Variants in NCBP2L observed in about 807,000 individuals in gnomAD.
NCBP2L encodes nuclear cap-binding protein subunit 2-like.
For missense variants in NCBP2L, 95 were observed against 53.1 expected, an observed-to-expected ratio of 1.79 and a Z score of -2.45; for synonymous variants, 39 against 19.2, an observed-to-expected ratio of 2.04 and a Z score of -2.70.
Position 107,781,692 on chromosome X carries a change from C to CTCTATATATATA in NCBP2L, c.-73+3835_-73+3836insCTATATATATAT, listed in dbSNP as rs1395038482. On this transcript the variant is annotated intron_variant, in intron 1 of 1. Coordinates refer to ENST00000509000, the MANE Select transcript of NCBP2L (RefSeq NM_001348372.2). ...TATCTATCTATCTCTCTCTCTCTCTCTATATATATATATATATAGATCTAT... is the reference window on the plus strand; with the variant it reads ...TATCTATCTATCTCTCTCTCTCTCTCTCTATATATATATATATATATATATATATAGATCTAT... Among the ~76,000 whole-genome samples, 35 of 66,891 alleles carry CTCTATATATATA rather than the reference C, an allele frequency of 5.2e-4. 1 individual carries two copies. Among genetic ancestry groups the CTCTATATATATA allele is most frequent in the African/African-American group, 2.6e-3 (31 of 11,719 alleles). 58.1% of individuals were successfully genotyped at this position (66,891 alleles called of 115,157 possible).
intron 1 of NCBP2L, among the ~76,000 whole-genome samples, chrX:107,782,953 A>G (rs964881282): frequency 5.5e-5 from 6 of 109,053 alleles, no homozygotes; most frequent in Non-Finnish European, 1.1e-4. Flanking sequence ...GTATATATAT[A>G]TATACACACC....
intron 1 of NCBP2L, among the ~76,000 whole-genome samples, chrX:107,782,874 T>C (rs1251119623): frequency 2.8e-5 from 3 of 108,288 alleles, no homozygotes; most frequent in Non-Finnish European, 5.7e-5. Flanking sequence ...ACACATAATA[T>C]ACATATATAC....
intron 1 of NCBP2L, among the ~76,000 whole-genome samples, chrX:107,786,455 G>T (rs1280555136): frequency 8.9e-6 from 1 of 111,818 alleles, no homozygotes; most frequent in East Asian, 2.8e-4. Flanking sequence ...AAATACTTTT[G>T]CTTGACTGCT....
intron 1 of NCBP2L, among the ~76,000 whole-genome samples, chrX:107,781,692 C>CTCTCTCTATATATATATATATA (rs1395038482): frequency 1.5e-5 from 1 of 66,919 alleles, no homozygotes; most frequent in Non-Finnish European, 2.5e-5. Flanking sequence ...CTCTCTCTCT[C>CTCTCTCTATATATATATATATA]TATATATATA....
At chrX:107,781,732 C>T (rs763903781) in intron 1 of NCBP2L, among the ~76,000 whole-genome samples, 4 of 53,418 alleles carry the variant, frequency 7.5e-5, no homozygotes, top group East Asian at 4.2e-4. Flanking sequence ...ATCTATAGAT[C>T]TATATATAGA....
chrX:107,781,704 A>C (rs10081901), intron 1 of NCBP2L, among the ~76,000 whole-genome samples: 8 of 75,092 alleles, frequency 1.1e-4, no homozygotes, highest in Admixed American at 2.8e-4. Flanking sequence ...ATATATATAT[A>C]TATATAGATC....
At chrX:107,781,629 T>TTCTATCTA (rs1372363522) in intron 1 of NCBP2L, among the ~76,000 whole-genome samples, 1 of 89,721 alleles carries the variant, frequency 1.1e-5, no homozygotes, top group East Asian at 3.3e-4. Context: ...CCATCTATCA[T>TTCTATCTA]TCTATCTATC....
Position 107,794,910 on chromosome X carries a change from T to C in NCBP2L, c.*228T>C. On this transcript the variant is annotated 3_prime_UTR_variant, in exon 2 of 2. Coordinates refer to ENST00000509000, the MANE Select transcript of NCBP2L (RefSeq NM_001348372.2). ...AGTTTGACTGTTAGGTGGTCCAAAGTGAAGTGTTCTTCGGGAACAAATTAG... is the reference window on the plus strand; with the variant it reads ...AGTTTGACTGTTAGGTGGTCCAAAGCGAAGTGTTCTTCGGGAACAAATTAG... The C allele has an allele frequency of 3.5e-6, 1 of 283,856 alleles. No individual in the cohort carries two copies. 23.4% of individuals were successfully genotyped at this position (283,856 alleles called of 1,213,427 possible). A position where few individuals can be genotyped will look rare whatever the true frequency, so the allele number is the denominator to read the frequency against.
intron 1 of NCBP2L, among the ~76,000 whole-genome samples, chrX:107,784,696 T>C (rs1930372169): frequency 9.4e-6 from 1 of 106,279 alleles, no homozygotes; most frequent in South Asian, 4.2e-4. Flanking sequence ...GCTGGGCAGA[T>C]GCGGTGGCTC....
At chrX:107,790,839 T>A (rs1157705857) in intron 1 of NCBP2L, among the ~76,000 whole-genome samples, 1 of 111,890 alleles carries the variant, frequency 8.9e-6, no homozygotes, top group Non-Finnish European at 1.9e-5. Context: ...CTACGTAAAT[T>A]TTTTGTTAAA....
At chrX:107,783,369 T>A (rs1351903356) in intron 1 of NCBP2L, among the ~76,000 whole-genome samples, 6 of 98,798 alleles carry the variant, frequency 6.1e-5, no homozygotes, top group South Asian at 4.7e-4. Flanking sequence ...TTTTTTTTTT[T>A]TTTTTTTTTT....
At chrX:107,782,286 AATAT>A (rs1387676234) in intron 1 of NCBP2L, among the ~76,000 whole-genome samples, 1 of 21,065 alleles carries the variant, frequency 4.7e-5, no homozygotes, top group Non-Finnish European at 6.1e-5. Flanking sequence ...AATATATATA[AATAT>A]ATATATATAA....
At chrX:107,792,260 G>A (rs1930462618) in intron 1 of NCBP2L, among the ~76,000 whole-genome samples, 1 of 109,496 alleles carries the variant, frequency 9.1e-6, no homozygotes, top group Non-Finnish European at 1.9e-5. Flanking sequence ...AGGAAATTAT[G>A]GCAAACTTTG....
intron 1 of NCBP2L, among the ~76,000 whole-genome samples, chrX:107,791,406 T>C (rs1369277370): frequency 9.0e-6 from 1 of 111,194 alleles, no homozygotes; most frequent in Non-Finnish European, 1.9e-5. Flanking sequence ...CACCACGCCA[T>C]GCTAATATTT....
In NCBP2L at chrX:107,779,707, C is replaced by T. The variant is rs780962138; in HGVS notation, c.-73+1849C>T. Among the ~76,000 whole-genome samples, 12 of 105,314 alleles carry T rather than the reference C, an allele frequency of 1.1e-4. No homozygotes were observed. In the East Asian group the frequency reaches 2.4e-3, roughly 21 times the overall value. 91.5% of individuals were successfully genotyped at this position (105,314 alleles called of 115,157 possible). ...CCTCCTAAAGTGCTGGGATTACAGG[C>T]GTGAGCCACCGTGCCCAGCCTATCC... On this transcript the variant is annotated intron_variant, in intron 1 of 1. Coordinates refer to ENST00000509000, the MANE Select transcript of NCBP2L (RefSeq NM_001348372.2).
chrX:107,780,603 T>A, intron 1 of NCBP2L, among the ~76,000 whole-genome samples: 1 of 106,474 alleles, frequency 9.4e-6, no homozygotes, highest in East Asian at 2.9e-4. Flanking sequence ...CCAGGATGGC[T>A]ACATTAGAAT....
intron 1 of NCBP2L, among the ~76,000 whole-genome samples, chrX:107,791,788 G>A (rs181598907): frequency 8.9e-6 from 1 of 112,354 alleles, no homozygotes; most frequent in Non-Finnish European, 1.9e-5. Context: ...CATTGTCACA[G>A]TATTTGTTGC....
chrX:107,783,385 T>TTA (rs1930354378), intron 1 of NCBP2L, among the ~76,000 whole-genome samples: 1 of 100,022 alleles, frequency 1.0e-5, no homozygotes, highest in African/African-American at 3.7e-5. Context: ...TTTTTATTTT[T>TTA]TATTTTAGAG....
At chrX:107,793,656 A>C (rs977582131) in intron 1 of NCBP2L, among the ~76,000 whole-genome samples, 1 of 111,815 alleles carries the variant, frequency 8.9e-6, no homozygotes, top group African/African-American at 3.3e-5. Context: ...GTATATAGGG[A>C]CCCATTGTGT....
Sources: allele counts gnomAD v4.1 joint callset (sites outside exome capture counted in the v4.1 genomes callset), GRCh38; gene constraint gnomAD v4.1.1; transcripts MANE v1.5; gene names NCBI Gene and HGNC (gene_info 2026-07-23, HGNC 2026-07-21).